The following CCT6B variants were observed in gnomAD, a reference collection of about 807,000 sequenced individuals.
CCT6B encodes chaperonin containing TCP1 subunit 6B, also known as probable T-complex protein 1 subunit zeta-2.
In CCT6B, 49 loss-of-function variants were observed where a neutral mutation model predicts 61.5. That is an observed-to-expected ratio of 0.80 (90% CI 0.63 to 1.01). The LOEUF (loss-of-function observed/expected upper bound fraction) is 1.01. Ranked by LOEUF, CCT6B falls within the 50% of genes least tolerant of loss-of-function variation. CCT6B has a pLI of 0.00. For missense variants in CCT6B, 666 were observed against 634.7 expected (o/e 1.05, Z -0.53); for synonymous variants, 228 against 214.5 (o/e 1.06, Z -0.55).
rs746168067 is a variant in CCT6B at position 34,942,856 on chromosome 17, T to C, written c.665A>G (p.Lys222Arg). 5 of 1,611,758 alleles carry C rather than the reference T, an allele frequency of 3.1e-6. No homozygotes were observed. The South Asian group carries it at 4.4e-5, about 14-fold the overall frequency. The change falls in exon 6 of 14, where the codon AAG (lysine) becomes AGG (arginine). Residue 222 changes from lysine to arginine, a missense_variant. Coordinates refer to ENST00000314144, the MANE Select transcript of CCT6B (RefSeq NM_006584.4). ...LDHGARHPDM[K>R]KRVEDAFILI... ...GATAAATGCATCTTCTACTCGCTTC[T>C]TCATATCTGGATGACGGGCACCATG...
intron 12 of CCT6B, among the ~76,000 whole-genome samples, chr17:34,930,277 T>C (rs2090021483): frequency 6.6e-6 from 1 of 152,076 alleles, no homozygotes; most frequent in Admixed American, 6.6e-5. Flanking sequence ...GTCTCATAAA[T>C]TAATTAATTA....
intron 2 of CCT6B, among the ~76,000 whole-genome samples, chr17:34,959,290 A>C (rs961589536): frequency 6.7e-6 from 1 of 149,496 alleles, no homozygotes; most frequent in Non-Finnish European, 1.5e-5. Flanking sequence ...CACTGAGCAA[A>C]ATTTTTTTTT....
At position 34,939,191 on chromosome 17, in the gene CCT6B, A is replaced by G. The variant is rs2090130260; in HGVS notation, c.1205T>C (p.Ile402Thr). Residue 402 changes from isoleucine to threonine, a missense_variant, in exon 10 of 14, where the codon ATT (isoleucine) becomes ACT (threonine). Transcript: ENST00000314144. ...RDGLRAIKNA[I>T]EDGCMVPGAG... ...CACAAGAAAGAGCTTACCATCTTCAATGGCATTTTTGATAGCACGAAGTCC... is the reference window on the plus strand; with the variant it reads ...CACAAGAAAGAGCTTACCATCTTCAGTGGCATTTTTGATAGCACGAAGTCC... The G allele has an allele frequency of 5.6e-6, 9 of 1,613,662 alleles. No homozygotes were observed. The East Asian group carries it at 2.0e-4, about 36-fold the overall frequency.
chr17:34,947,660 A>G (rs981302464), intron 5 of CCT6B, among the ~76,000 whole-genome samples: 6 of 152,184 alleles, frequency 3.9e-5, no homozygotes, highest in African/African-American at 1.4e-4. Context: ...AAGAAAAGGA[A>G]TCCCAAATGG....
At chr17:34,959,504 C>T in intron 2 of CCT6B, 83 bp downstream of exon 2, 1 of 1,000,412 alleles carries the variant, frequency 1.0e-6, no homozygotes, top group East Asian at 2.4e-5. Context: ...TAGCTCACAG[C>T]CTTGGCTTAA....
intron 3 of CCT6B, among the ~76,000 whole-genome samples, chr17:34,957,817 A>G (rs1223207467): frequency 6.6e-6 from 1 of 152,216 alleles, no homozygotes; most frequent in African/African-American, 2.4e-5. Context: ...AATGTACATG[A>G]TGTTTTCAGA....
In CCT6B at chr17:34,958,663, G is replaced by T; in HGVS notation, c.233C>A (p.Ala78Glu). The T allele has an allele frequency of 6.2e-7, 1 of 1,601,306 alleles. No individual in the cohort carries two copies. Among genetic ancestry groups the T allele is most frequent in the South Asian group, 1.1e-5 (1 of 87,566 alleles). ...GTCATCCTGAGCTGTTGCTACTTTT[G>T]CTATCAAGGAAGCTGTTGGATGTTG... ...QIQHPTASLI[A>E]KVATAQDDVT... Residue 78 changes from alanine (A) to glutamate (E), a missense_variant, in exon 3 of 14, where the codon GCA becomes GAA. Ala to Glu is a moderately radical substitution (Grantham distance 107, BLOSUM62 -1). Transcript: ENST00000314144.
intron 10 of CCT6B, among the ~76,000 whole-genome samples, chr17:34,934,810 A>C (rs1363885885): frequency 6.6e-6 from 1 of 152,224 alleles, no homozygotes; most frequent in Non-Finnish European, 1.5e-5. Flanking sequence ...AAAACTTTCC[A>C]ATTCACTCTA....
At position 34,942,523 on chromosome 17, in the gene CCT6B, A is replaced by G. The variant is rs114153661; in HGVS notation, c.846T>C (p.Cys282=). ...CGACAAATCCTTTATTTGACTGAGC[A>G]CAGACTTTGTCCTTCAGGTCTATTA... ...QKIIDLKDKV[C]AQSNKGFVVI... is the part of the protein sequence containing the mutation. Residue 282 remains cysteine, a synonymous_variant, in exon 7 of 14, where the codon TGT becomes TGC. Coordinates refer to ENST00000314144, the MANE Select transcript of CCT6B (RefSeq NM_006584.4). The G allele has an allele frequency of 1.2e-6, 2 of 1,601,874 alleles. No individual in the cohort carries two copies. Among genetic ancestry groups the G allele is most frequent in the African/African-American group, 2.7e-5 (2 of 74,094 alleles).
chr17:34,939,158 A>C (rs543797391), intron 10 of CCT6B, 25 bp downstream of exon 10: 1 of 1,599,492 alleles, frequency 6.3e-7, no homozygotes, highest in African/African-American at 1.3e-5. Flanking sequence ...CATGAGGTTC[A>C]TATCAATCAC....
At chr17:34,956,917 C>T (rs1401310308) in intron 3 of CCT6B, among the ~76,000 whole-genome samples, 1 of 152,074 alleles carries the variant, frequency 6.6e-6, no homozygotes, top group African/African-American at 2.4e-5. Flanking sequence ...TCAGGCAATC[C>T]TCCTGCCTCA....
chr17:34,947,525 C>A (rs1178617146), intron 5 of CCT6B, among the ~76,000 whole-genome samples: 1 of 152,132 alleles, frequency 6.6e-6, no homozygotes, highest in Non-Finnish European at 1.5e-5. Context: ...TAACTGCCAA[C>A]CTAGTAAACA....
chr17:34,929,532 A>C, intron 12 of CCT6B, among the ~76,000 whole-genome samples: 1 of 125,792 alleles, frequency 7.9e-6, no homozygotes, highest in Admixed American at 8.8e-5. Context: ...TTTGTTTTTG[A>C]GACAGAGATC....
intron 4 of CCT6B, among the ~76,000 whole-genome samples, chr17:34,953,594 T>C (rs1294628446): frequency 6.6e-6 from 1 of 152,032 alleles, no homozygotes; most frequent in East Asian, 1.9e-4. Context: ...CCTCCTAAAG[T>C]GCTGGGATTA....
intron 5 of CCT6B, among the ~76,000 whole-genome samples, chr17:34,950,519 T>G (rs960662209): frequency 6.6e-6 from 1 of 152,202 alleles, no homozygotes; most frequent in Admixed American, 6.5e-5. Flanking sequence ...TTATGAACAC[T>G]TTATACCAAA....
intron 3 of CCT6B, among the ~76,000 whole-genome samples, chr17:34,956,140 C>T (rs2090344992): frequency 6.6e-6 from 1 of 152,186 alleles, no homozygotes; most frequent in African/African-American, 2.4e-5. Context: ...TCTTGGTTAG[C>T]ATACTACATG....
intron 2 of CCT6B, among the ~76,000 whole-genome samples, chr17:34,959,218 G>A (rs1567675067): frequency 6.7e-6 from 1 of 149,706 alleles, no homozygotes; most frequent in Non-Finnish European, 1.5e-5. Context: ...TGGCCTCCTG[G>A]GCTCAAGTGA....
In CCT6B at chr17:34,958,702, A is replaced by T; in HGVS notation, c.202-8T>A. 1 of 1,590,268 alleles carries T rather than the reference A, an allele frequency of 6.3e-7. No individual in the cohort carries two copies. The highest frequency in any genetic ancestry group is 8.6e-7 in the Non-Finnish European group (1 of 1,169,274). On this transcript the variant is annotated splice_polypyrimidine_tract_variant and splice_region_variant and intron_variant, in intron 2 of 13. Transcript: ENST00000314144. ...TGTTGGATGTTGAATTTGCTGGAAA[A>T]AGCAAGCAACAGATTTAAAAAGACA...
intron 11 of CCT6B, among the ~76,000 whole-genome samples, chr17:34,931,452 C>T (rs2090034604): frequency 6.6e-6 from 1 of 152,072 alleles, no homozygotes. Context: ...CTAAGGAAAC[C>T]AGAATATTTG....
Sources: gnomAD v4.1 joint callset for allele counts (sites outside exome capture counted in the v4.1 genomes callset) on GRCh38, gnomAD v4.1.1 for gene constraint, MANE v1.5 for transcripts, NCBI Gene and HGNC (gene_info 2026-07-23, HGNC 2026-07-21) for gene names.